INTS7: variants seen among roughly 807,000 people sequenced by gnomAD.
The protein encoded by INTS7 is integrator complex subunit 7.
Under a neutral mutation model 109.2 loss-of-function variants are expected in INTS7, and 46 were observed. The ratio of observed to expected loss-of-function variants is 0.42; its 90% CI spans 0.33 to 0.54. The LOEUF is 0.54. INTS7 is among the 20% of genes least tolerant of loss of function. The probability of loss-of-function intolerance (pLI) is 0.07; values close to 1 mark genes in which losing one functional copy is unlikely to be tolerated. For missense variants in INTS7, 929 were observed against 1,132.4 expected (o/e 0.82, Z 2.58); for synonymous variants, 412 against 402.9 (o/e 1.02, Z -0.27).
intron 1 of INTS7, among the ~76,000 whole-genome samples, chr1:212,034,808 C>A (rs1667348530): frequency 6.6e-6 from 1 of 152,218 alleles, no homozygotes. Flanking sequence ...CCAAGCTGCT[C>A]CCTGTACGGC....
chr1:212,004,895 G>A (rs1391413573), intron 7 of INTS7, among the ~76,000 whole-genome samples: 1 of 152,204 alleles, frequency 6.6e-6, no homozygotes, highest in East Asian at 1.9e-4. Context: ...ATAATTCTAT[G>A]TGTTGGTACG....
rs1404452516 is a variant in INTS7 at position 211,941,040 on chromosome 1, T to TA, written c.*783dup. ...ATACAGCAGGATGTTTCAATACTGT[T>TA]AGACTGTGGGCTTTCATAATCCAGA... On this transcript the variant is annotated 3_prime_UTR_variant, in exon 20 of 20. Coordinates refer to ENST00000366994, the MANE Select transcript of INTS7 (RefSeq NM_015434.4). 2.0e-5 allele frequency: 3 copies of TA among 152,268 alleles called. No individual in the cohort carries two copies. The highest frequency in any genetic ancestry group is 4.8e-5 in the African/African-American group (2 of 41,460). 9.4% of individuals were successfully genotyped at this position (152,268 alleles called of 1,614,324 possible). A position where few individuals can be genotyped will look rare whatever the true frequency, so the allele number is the denominator to read the frequency against.
chr1:211,945,499 C>T (rs1424903854), intron 18 of INTS7, among the ~76,000 whole-genome samples: 20 of 152,238 alleles, frequency 1.3e-4, no homozygotes, highest in Non-Finnish European at 4.4e-5. Context: ...AAATCCCAAA[C>T]ACATCAATTA....
intron 5 of INTS7, among the ~76,000 whole-genome samples, chr1:212,010,013 C>T (rs1324943196): frequency 1.3e-5 from 2 of 152,172 alleles, no homozygotes; most frequent in Non-Finnish European, 2.9e-5. Context: ...CTAAGCAATT[C>T]ATGCCTTAGA....
chr1:211,949,095 T>C (rs1194230964), intron 17 of INTS7, among the ~76,000 whole-genome samples: 1 of 152,242 alleles, frequency 6.6e-6, no homozygotes, highest in Non-Finnish European at 1.5e-5. Flanking sequence ...CTTCCTTCCA[T>C]GAAATTCCAC....
rs1666470824 is a variant in INTS7 at position 212,016,930 on chromosome 1, A to C, written c.465T>G (p.Val155=). 1 of 1,608,612 alleles carries C rather than the reference A, an allele frequency of 6.2e-7. No individual in the cohort carries two copies. Among genetic ancestry groups the C allele is most frequent in the Admixed American group, 1.7e-5 (1 of 59,052 alleles). Residue 155 remains valine, a synonymous_variant, in exon 4 of 20, where the codon GTT becomes GTG. Transcript: ENST00000366994. ...QSLDSHDNVE[V]EAAVFAAANF... ...TTGCAGCAGCAAAAACAGCAGCTTC[A>C]ACTTCTACATTATCATGTGAATCTA...
intron 7 of INTS7, among the ~76,000 whole-genome samples, chr1:212,005,872 C>A (rs1187988780): frequency 6.6e-6 from 1 of 152,046 alleles, no homozygotes; most frequent in Non-Finnish European, 1.5e-5. Flanking sequence ...ACTATCAAAT[C>A]ATAATATAGT....
At chr1:211,967,234 T>G (rs1231364231) in intron 15 of INTS7, among the ~76,000 whole-genome samples, 1 of 152,020 alleles carries the variant, frequency 6.6e-6, no homozygotes, top group African/African-American at 2.4e-5. Flanking sequence ...GTAGATCACT[T>G]GAGGCCAGGA....
intron 1 of INTS7, among the ~76,000 whole-genome samples, chr1:212,033,308 C>T (rs547696270): frequency 2.6e-5 from 4 of 152,326 alleles, no homozygotes; most frequent in African/African-American, 7.2e-5. Context: ...ATATTCTACA[C>T]GAAACTGGCT....
chr1:212,010,729 G>T (rs1302766904), intron 5 of INTS7, among the ~76,000 whole-genome samples: 1 of 152,092 alleles, frequency 6.6e-6, no homozygotes, highest in African/African-American at 2.4e-5. Context: ...AATTGCCTAT[G>T]GGTATTCAGC....
chr1:211,952,433 A>T, intron 17 of INTS7, 136 bp downstream of exon 17: 1 of 740,280 alleles, frequency 1.4e-6, no homozygotes, highest in Non-Finnish European at 2.2e-6. Context: ...GCTGTGAGGT[A>T]GGTATTAACC....
At chr1:212,017,509 T>C (rs1374194031) in intron 3 of INTS7, among the ~76,000 whole-genome samples, 1 of 152,242 alleles carries the variant, frequency 6.6e-6, no homozygotes, top group African/African-American at 2.4e-5. Flanking sequence ...AAAGCAGTGG[T>C]TGAGGACGCC....
chr1:212,021,680 TAA>T (rs1169512759), intron 1 of INTS7, among the ~76,000 whole-genome samples: 22 of 127,006 alleles, frequency 1.7e-4, no homozygotes, highest in Admixed American at 4.0e-4. Flanking sequence ...CCTCATCTCT[TAA>T]AAAAAAAAAA....
intron 16 of INTS7, among the ~76,000 whole-genome samples, chr1:211,965,518 C>T (rs566922379): frequency 2.0e-5 from 3 of 152,298 alleles, no homozygotes; most frequent in Admixed American, 2.0e-4. Context: ...TGCAGCACTA[C>T]TCACAATAGC....
At chr1:212,023,135 T>C (rs1361984781) in intron 1 of INTS7, among the ~76,000 whole-genome samples, 1 of 152,236 alleles carries the variant, frequency 6.6e-6, no homozygotes. Context: ...TACCATGTTT[T>C]CTTTATCCAA....
chr1:211,988,902 T>C (rs1665021804), intron 7 of INTS7, among the ~76,000 whole-genome samples: 1 of 152,344 alleles, frequency 6.6e-6, no homozygotes, highest in Non-Finnish European at 1.5e-5. Flanking sequence ...AAAAATAAGA[T>C]GCTAGTTTTT....
chr1:212,024,682 T>TA (rs1165807040), intron 1 of INTS7, among the ~76,000 whole-genome samples: 2 of 152,120 alleles, frequency 1.3e-5, no homozygotes, highest in African/African-American at 4.8e-5. Context: ...TACTCAGCAA[T>TA]AAAAAAGGAA....
At chr1:212,006,315 C>G (rs1205131471) in intron 7 of INTS7, among the ~76,000 whole-genome samples, 1 of 152,036 alleles carries the variant, frequency 6.6e-6, no homozygotes, top group East Asian at 1.9e-4. Flanking sequence ...ATTTTTCTCC[C>G]CAAATTGACT....
chr1:212,035,080 G>T (rs1157274225), intron 1 of INTS7, among the ~76,000 whole-genome samples: 2 of 152,306 alleles, frequency 1.3e-5, no homozygotes, highest in South Asian at 2.1e-4. Flanking sequence ...AAAATCGGGG[G>T]ACTGCTCCCT....
Sources: gnomAD v4.1 joint callset for allele counts (sites outside exome capture counted in the v4.1 genomes callset) on GRCh38, gnomAD v4.1.1 for gene constraint, MANE v1.5 for transcripts, NCBI Gene and HGNC (gene_info 2026-07-23, HGNC 2026-07-21) for gene names.